DIDO1: variants seen among roughly 807,000 people sequenced by gnomAD.
The protein encoded by DIDO1 is death-inducer obliterator 1.
DIDO1 carries 16 observed loss-of-function variants against 99.4 expected under a neutral mutation model. The ratio of observed to expected loss-of-function variants is 0.16; its 90% CI spans 0.11 to 0.24. The LOEUF (loss-of-function observed/expected upper bound fraction) is 0.24, where lower values mean the gene tolerates loss of function less well. Ranked by LOEUF, DIDO1 falls within the 10% of genes least tolerant of loss-of-function variation. The probability of loss-of-function intolerance (pLI) is 1.00; values close to 1 mark genes in which losing one functional copy is unlikely to be tolerated. For missense variants in DIDO1, 2,996 were observed against 3,014.0 expected, an observed-to-expected ratio of 0.99 and a Z score of 0.14; for synonymous variants, 1,366 against 1,239.1, an observed-to-expected ratio of 1.10 and a Z score of -2.15.
Position 62,907,216 on chromosome 20 carries a change from C to T in DIDO1, c.1305G>A (p.Gln435=). Residue 435 remains glutamine (Q), a synonymous_variant, in exon 5 of 16, where the codon CAG becomes CAA. Transcript: ENST00000395343. ...TCATCTTTTCTTTAGGCTTTGGCTT[C>T]TGTTCTTTACCTGAGCTTAGAAACT... is the stretch of plus-strand genomic sequence containing the variant. ...TMKFLSSGKE[Q]KPKPKEKMKM... 1 of 1,614,278 alleles carries T rather than the reference C, an allele frequency of 6.2e-7. No individual in the cohort carries two copies. The highest frequency in any genetic ancestry group is 2.2e-5 in the East Asian group (1 of 44,878).
intron 15 of DIDO1, among the ~76,000 whole-genome samples, chr20:62,884,944 G>C (rs1050871160): frequency 2.0e-5 from 3 of 152,236 alleles, no homozygotes; most frequent in African/African-American, 7.2e-5. Flanking sequence ...CAAACCTGTC[G>C]AGTTCATGTT....
At chr20:62,922,208 GTACA>G (rs2065165391) in intron 1 of DIDO1, among the ~76,000 whole-genome samples, 1 of 127,824 alleles carries the variant, frequency 7.8e-6, no homozygotes, top group Non-Finnish European at 1.6e-5. Context: ...ATATATATAT[GTACA>G]TATATATACA....
At chr20:62,935,746 T>C (rs898646104) in intron 1 of DIDO1, among the ~76,000 whole-genome samples, 3 of 152,222 alleles carry the variant, frequency 2.0e-5, no homozygotes, top group Non-Finnish European at 2.9e-5. Context: ...CAAGGGATGT[T>C]AGAAGGATAG....
intron 13 of DIDO1, among the ~76,000 whole-genome samples, chr20:62,892,337 TAC>T (rs994324836): frequency 1.3e-5 from 2 of 152,244 alleles, no homozygotes; most frequent in African/African-American, 4.8e-5. Flanking sequence ...TTTACGTACA[TAC>T]ACAGAGAGTA....
intron 6 of DIDO1, among the ~76,000 whole-genome samples, chr20:62,904,780 C>CA (rs58039393): frequency 0.071 from 4,434 of 62,412 alleles, 556 homozygotes; most frequent in African/African-American, 0.1. Context: ...ACTCTTGTCT[C>CA]AAAAAAAAAA....
Position 62,881,745 on chromosome 20 carries a change from C to G in DIDO1, c.4211G>C (p.Arg1404Pro). 1 of 1,613,112 alleles carries G rather than the reference C, an allele frequency of 6.2e-7. No homozygotes were observed. Among genetic ancestry groups the G allele is most frequent in the Non-Finnish European group, 8.5e-7 (1 of 1,180,034 alleles). The change falls in exon 16 of 16, where the codon CGA becomes CCA. Residue 1404 changes from arginine (R) to proline (P), a missense_variant. Arg to Pro is a moderately radical substitution (Grantham distance 103, BLOSUM62 -2). This residue lies in a region of DIDO1 where 1,562 missense variants were observed against 1,412.6 expected (regional missense o/e 1.11). Transcript: ENST00000395343. The surrounding 1 kb of genome is among the most constrained non-coding windows in gnomAD (Gnocchi z 8.3). ...ERAFDTQLVERGRRHEVERAP... is the reference protein window; with the variant it reads ...ERAFDTQLVEPGRRHEVERAP... ...CCTTTCCACCTCGTGGCGCCGCCCTCGCTCCACAAGCTGAGTGTCGAAGGC... is the reference window on the plus strand; with the variant it reads ...CCTTTCCACCTCGTGGCGCCGCCCTGGCTCCACAAGCTGAGTGTCGAAGGC...
At chr20:62,889,568 T>C (rs1467232408) in intron 15 of DIDO1, 3 of 985,322 alleles carry the variant, frequency 3.0e-6, no homozygotes, top group Non-Finnish European at 3.6e-6. Flanking sequence ...GCACACACTG[T>C]CGCACTTGCA....
In DIDO1 at chr20:62,881,560, C is replaced by T. The variant is rs1375340965; in HGVS notation, c.4396G>A (p.Gly1466Arg). 4 of 1,611,936 alleles carry T rather than the reference C, an allele frequency of 2.5e-6. No homozygotes were observed. The highest frequency in any genetic ancestry group is 4.5e-5 in the East Asian group (2 of 44,894). Residue 1466 changes from glycine (G) to arginine (R), a missense_variant, in exon 16 of 16, where the codon GGG (glycine) becomes AGG (arginine). Around this residue, in one of 5 missense-constraint regions of DIDO1, gnomAD observed 1,562 missense variants for 1,412.6 expected, o/e 1.11. Coordinates refer to ENST00000395343, the MANE Select transcript of DIDO1 (RefSeq NM_001193369.2). The surrounding 1 kb of genome is among the most constrained non-coding windows in gnomAD (Gnocchi z 8.3). ...SVERPAEPVAGAATPSLVEQQ... is the reference protein window; with the variant it reads ...SVERPAEPVARAATPSLVEQQ... Reference sequence around the variant, plus strand: ...TCCACCAGGGAGGGCGTCGCAGCCCCGGCCACCGGCTCGGCAGGCCTCTCC... The same window carrying T: ...TCCACCAGGGAGGGCGTCGCAGCCCTGGCCACCGGCTCGGCAGGCCTCTCC...
intron 1 of DIDO1, among the ~76,000 whole-genome samples, chr20:62,915,980 G>C (rs2065030409): frequency 6.6e-6 from 1 of 152,134 alleles, no homozygotes; most frequent in Admixed American, 6.6e-5. Flanking sequence ...GAAAAGATCA[G>C]ATCACTTTAT....
At position 62,895,829 on chromosome 20, in the gene DIDO1, C is replaced by T. The variant is rs1336501819; in HGVS notation, c.2214+404G>A. Among the ~76,000 whole-genome samples, 3 of 152,176 alleles carry T rather than the reference C, an allele frequency of 2.0e-5. No individual in the cohort carries two copies. The South Asian group carries it at 6.2e-4, about 31-fold the overall frequency. On this transcript the variant is annotated intron_variant, in intron 8 of 15. Coordinates refer to ENST00000395343, the MANE Select transcript of DIDO1 (RefSeq NM_001193369.2). ...AGCCCAAACCATCAGGCTCACTCGG[C>T]TGATGAGGAATATGAGAAAATAAGG...
intron 15 of DIDO1, among the ~76,000 whole-genome samples, chr20:62,884,959 TTAACA>T (rs1421199714): frequency 5.9e-5 from 9 of 152,260 alleles, no homozygotes; most frequent in Admixed American, 3.9e-4. Flanking sequence ...CATGTTCTGC[TTAACA>T]TGAGTTGAAC....
At chr20:62,905,405 T>TA in intron 6 of DIDO1, 1 of 1,478,196 alleles carries the variant, frequency 6.8e-7, no homozygotes, top group Non-Finnish European at 9.0e-7. Context: ...GATGCAACAC[T>TA]AACTTGCAAA....
At chr20:62,899,782 T>C (rs2064621382) in intron 6 of DIDO1, among the ~76,000 whole-genome samples, 1 of 152,144 alleles carries the variant, frequency 6.6e-6, no homozygotes, top group Admixed American at 6.6e-5. Context: ...CTGGGAGCAG[T>C]GTCCTACAAC....
In DIDO1 at chr20:62,881,736, C is replaced by T. The variant is rs759369005; in HGVS notation, c.4220G>A (p.Arg1407His). The T allele has an allele frequency of 1.9e-6, 3 of 1,613,034 alleles. No individual in the cohort carries two copies. The highest frequency in any genetic ancestry group is 2.5e-6 in the Non-Finnish European group (3 of 1,180,026). The stretch of plus-strand genomic sequence containing the variant: ...TTCAGGAGCCCTTTCCACCTCGTGG[C>T]GCCGCCCTCGCTCCACAAGCTGAGT... Reference protein sequence around the residue: ...FDTQLVERGRRHEVERAPEAA... With the variant: ...FDTQLVERGRHHEVERAPEAA... The change falls in exon 16 of 16, where the codon CGC (arginine) becomes CAC (histidine). Residue 1407 changes from arginine (R) to histidine (H), a missense_variant. By Grantham distance (29) the Arg-to-His change is conservative. This residue lies in a region of DIDO1 where 1,562 missense variants were observed against 1,412.6 expected (regional missense o/e 1.11). Transcript: ENST00000395343. This position sits in a 1 kb window ranked among gnomAD's most constrained non-coding sequence, Gnocchi z 8.3.
upstream of DIDO1, among the ~76,000 whole-genome samples, chr20:62,928,279 C>T (rs1313805787): frequency 6.6e-6 from 1 of 152,100 alleles, no homozygotes; most frequent in Non-Finnish European, 1.5e-5. Context: ...GACAAGAGAA[C>T]CAAGAGGAAG....
intron 6 of DIDO1, among the ~76,000 whole-genome samples, chr20:62,899,865 A>C (rs1242704472): frequency 6.6e-6 from 1 of 152,116 alleles, no homozygotes; most frequent in Non-Finnish European, 1.5e-5. Flanking sequence ...CCGAGCACAC[A>C]CCCATTCCAC....
At chr20:62,888,700 A>G in intron 15 of DIDO1, 3 of 985,506 alleles carry the variant, frequency 3.0e-6, no homozygotes, top group Non-Finnish European at 3.6e-6. Context: ...CATTTACACC[A>G]CAAAGCCAGG....
intron 1 of DIDO1, among the ~76,000 whole-genome samples, chr20:62,925,568 T>C (rs895099779): frequency 6.6e-6 from 1 of 152,228 alleles, no homozygotes; most frequent in Non-Finnish European, 1.5e-5. Context: ...TTTCAATAAC[T>C]GGTAACGCAG....
intron 15 of DIDO1, among the ~76,000 whole-genome samples, chr20:62,882,716 A>G (rs936236518): frequency 1.3e-5 from 2 of 152,010 alleles, no homozygotes; most frequent in African/African-American, 4.8e-5. Context: ...CGAAGGCCCA[A>G]TCCACAAGGG....
Sources: gnomAD v4.1 joint callset for allele counts (sites outside exome capture counted in the v4.1 genomes callset) on GRCh38, gnomAD v4.1.1 for gene constraint, gnomAD v4.1.1 regional missense constraint, Gnocchi (gnomAD v3.1) non-coding constraint, MANE v1.5 for transcripts, NCBI Gene and HGNC (gene_info 2026-07-23, HGNC 2026-07-21) for gene names.